The following SORCS1 variants were observed in gnomAD, a reference collection of about 807,000 sequenced individuals.
SORCS1 encodes sortilin related VPS10 domain containing receptor 1.
In SORCS1, 60 loss-of-function variants were observed where a neutral mutation model predicts 146.1. The ratio of observed to expected loss-of-function variants is 0.41; its 90% CI spans 0.33 to 0.51. SORCS1 has a LOEUF of 0.51. SORCS1 is among the 20% of genes least tolerant of loss of function. The pLI is 0.21. For missense variants in SORCS1, 1,352 were observed against 1,487.6 expected, an observed-to-expected ratio of 0.91 and a Z score of 1.50; for synonymous variants, 637 against 584.0, an observed-to-expected ratio of 1.09 and a Z score of -1.31.
At chr10:106,985,285 T>C (rs189093170) in intron 1 of SORCS1, among the ~76,000 whole-genome samples, 1 of 152,196 alleles carries the variant, frequency 6.6e-6, no homozygotes, top group Admixed American at 6.5e-5. Context: ...CCAATGACTT[T>C]TGAGTGGAAA....
chr10:106,658,314 T>TAA (rs35145082), intron 17 of SORCS1, among the ~76,000 whole-genome samples: 10 of 145,098 alleles, frequency 6.9e-5, no homozygotes, highest in East Asian at 4.0e-4. Flanking sequence ...TACTCATCCT[T>TAA]AAAAAAAAAA....
rs1589755221 is a variant in SORCS1, at chr10:106,730,227, C to T, written c.960-113G>A. ...TAATATCCACAGGCATCTAAACCCACAATCCTTAGAATATATCTACTCTAT... is the reference window on the plus strand; with the variant it reads ...TAATATCCACAGGCATCTAAACCCATAATCCTTAGAATATATCTACTCTAT... On this transcript the variant is annotated intron_variant, in intron 5 of 25. Coordinates refer to ENST00000263054, the MANE Select transcript of SORCS1 (RefSeq NM_052918.5). The T allele has an allele frequency of 3.4e-6, 3 of 884,544 alleles. No individual in the cohort carries two copies. The East Asian group carries it at 7.6e-5, about 22-fold the overall frequency. The allele number at this position is 884,544 out of a possible 1,614,324, so 54.8% of individuals were successfully genotyped here.
intron 1 of SORCS1, among the ~76,000 whole-genome samples, chr10:106,969,186 A>C (rs1955649383): frequency 6.6e-6 from 1 of 152,208 alleles, no homozygotes; most frequent in Admixed American, 6.5e-5. Flanking sequence ...ACAGAACCAA[A>C]ATGTTTCCAT....
intron 1 of SORCS1, among the ~76,000 whole-genome samples, chr10:107,035,967 T>C (rs1420296583): frequency 4.0e-5 from 6 of 149,884 alleles, no homozygotes; most frequent in Admixed American, 2.7e-4. Flanking sequence ...GTAAACAATA[T>C]ATATATTGTT....
intron 2 of SORCS1, among the ~76,000 whole-genome samples, chr10:106,940,437 G>A (rs576405720): frequency 1.3e-5 from 2 of 152,284 alleles, no homozygotes; most frequent in Admixed American, 6.5e-5. Context: ...TGTGTCCTTC[G>A]AAATGTTCCT....
chr10:107,036,411 A>T lies in SORCS1; in HGVS notation c.559-79831T>A, dbSNP rs116313201. Among the ~76,000 whole-genome samples, 263 of 152,300 alleles carry T rather than the reference A, an allele frequency of 1.7e-3. 1 individual carries two copies. The highest frequency in any genetic ancestry group is 3.4e-3 in the Middle Eastern group (1 of 294). Reference sequence around the variant, plus strand: ...CAATCTCTCATGGATACTGAGGGACAATTGCATTCGTGAGATAGAAATGAG... The same window carrying T: ...CAATCTCTCATGGATACTGAGGGACTATTGCATTCGTGAGATAGAAATGAG... On this transcript the variant is annotated intron_variant, in intron 1 of 25. Coordinates refer to ENST00000263054, the MANE Select transcript of SORCS1 (RefSeq NM_052918.5).
chr10:106,904,596 T>C (rs755994121), intron 2 of SORCS1, among the ~76,000 whole-genome samples: 33 of 152,216 alleles, frequency 2.2e-4, no homozygotes, highest in Non-Finnish European at 4.0e-4. Context: ...CTCCATCCCA[T>C]ACTTTGGACA....
chr10:107,025,288 G>A (rs1564940439), intron 1 of SORCS1, among the ~76,000 whole-genome samples: 1 of 152,176 alleles, frequency 6.6e-6, no homozygotes, highest in Non-Finnish European at 1.5e-5. Context: ...AGAACTATCT[G>A]CCTGTCAAAG....
At chr10:106,801,237 G>A (rs1189387077) in intron 3 of SORCS1, among the ~76,000 whole-genome samples, 1 of 151,884 alleles carries the variant, frequency 6.6e-6, no homozygotes, top group East Asian at 1.9e-4. Flanking sequence ...AAGGAAAGCA[G>A]GAAGGACAAG....
intron 1 of SORCS1, among the ~76,000 whole-genome samples, chr10:107,079,584 G>A (rs984146754): frequency 1.3e-5 from 2 of 152,206 alleles, no homozygotes; most frequent in Non-Finnish European, 2.9e-5. Flanking sequence ...CCAGAACACA[G>A]AAAGGCTGCT....
intron 10 of SORCS1, among the ~76,000 whole-genome samples, chr10:106,680,016 G>A (rs1030577329): frequency 1.3e-5 from 2 of 152,058 alleles, no homozygotes; most frequent in Non-Finnish European, 2.9e-5. Flanking sequence ...TTTATATAGA[G>A]GGCATGAGAT....
rs75844901 is a variant in SORCS1 at position 106,592,666 on chromosome 10, C to T, written c.3265+4685G>A. Among the ~76,000 whole-genome samples, 46 of 148,216 alleles carry T rather than the reference C, an allele frequency of 3.1e-4. No individual in the cohort carries two copies. In the South Asian group the frequency reaches 9.0e-3, roughly 29 times the overall value. ...ACATGAAATGTTGCTAACAATGGTT[C>T]TTTTTTTTTTCTTTTAATTTTTATT... On this transcript the variant is annotated intron_variant, in intron 24 of 25. Transcript: ENST00000263054.
At chr10:106,648,826 G>A (rs771919789) in intron 18 of SORCS1, among the ~76,000 whole-genome samples, 19 of 151,930 alleles carry the variant, frequency 1.3e-4, no homozygotes, top group Non-Finnish European at 2.2e-4. Flanking sequence ...CAAATGTTGT[G>A]TTTCCCAAGA....
In SORCS1 at chr10:106,579,195, A is replaced by C. The variant is rs765939027; in HGVS notation, c.3371+174T>G. The C allele has an allele frequency of 3.7e-5, 59 of 1,613,976 alleles. No individual in the cohort carries two copies. In the South Asian group the frequency reaches 6.5e-4, roughly 18 times the overall value. The stretch of plus-strand genomic sequence containing the variant: ...TTCAGAGTGACTGACTGGACTGATC[A>C]TCTCTTGTTCTTTCTCATTCTGCAT... On this transcript the variant is annotated intron_variant, in intron 25 of 25. Transcript: ENST00000263054.
At chr10:106,741,208 A>G (rs1386997535) in intron 5 of SORCS1, among the ~76,000 whole-genome samples, 1 of 152,178 alleles carries the variant, frequency 6.6e-6, no homozygotes, top group Non-Finnish European at 1.5e-5. Context: ...TCCTTAACTC[A>G]TGTCAATAAT....
chr10:106,880,965 C>T (rs531647428), intron 2 of SORCS1, among the ~76,000 whole-genome samples: 278 of 150,810 alleles, frequency 1.8e-3, no homozygotes, highest in African/African-American at 6.2e-3. Flanking sequence ...TGGCAGGCGC[C>T]TGTAGTCCCA....
chr10:106,897,380 T>C (rs953456668), intron 2 of SORCS1, among the ~76,000 whole-genome samples: 1 of 152,176 alleles, frequency 6.6e-6, no homozygotes, highest in Non-Finnish European at 1.5e-5. Flanking sequence ...GTTTTTAGAA[T>C]TTATTGTCCA....
At chr10:107,148,280 G>A (rs1336726958) in intron 1 of SORCS1, among the ~76,000 whole-genome samples, 1 of 152,074 alleles carries the variant, frequency 6.6e-6, no homozygotes, top group African/African-American at 2.4e-5. Flanking sequence ...TCCTGTAAAG[G>A]GTCACAGAGT....
chr10:107,086,178 C>A (rs757121578), intron 1 of SORCS1, among the ~76,000 whole-genome samples: 1 of 152,166 alleles, frequency 6.6e-6, no homozygotes, highest in Non-Finnish European at 1.5e-5. Context: ...AATAGTTTCA[C>A]AATTCAAACA....
Sources: allele counts gnomAD v4.1 joint callset (sites outside exome capture counted in the v4.1 genomes callset), GRCh38; gene constraint gnomAD v4.1.1; transcripts MANE v1.5; gene names NCBI Gene and HGNC (gene_info 2026-07-23, HGNC 2026-07-21).